Variants in TBCD observed in about 807,000 individuals in gnomAD.
The protein encoded by TBCD is tubulin folding cofactor D.
A neutral mutation model predicts 169.3 loss-of-function variants in TBCD; 105 were observed. The observed-to-expected ratio is 0.62, with a 90% CI of 0.53 to 0.73. The LOEUF (loss-of-function observed/expected upper bound fraction) is 0.73. Ranked by LOEUF, TBCD falls within the 30% of genes least tolerant of loss-of-function variation. The pLI, the probability that TBCD is intolerant of heterozygous loss-of-function variation, is 0.00. For missense variants in TBCD, 1,444 were observed against 1,600.1 expected, an observed-to-expected ratio of 0.90 and a Z score of 1.66; for synonymous variants, 700 against 643.9, an observed-to-expected ratio of 1.09 and a Z score of -1.32.
Position 82,756,257 on chromosome 17 carries a change from T to A in TBCD, c.235+42T>A, listed in dbSNP as rs371732734. 1.3e-5 allele frequency: 21 copies of A among 1,577,336 alleles called. 1 individual carries two copies. The highest frequency in any genetic ancestry group is 1.8e-5 in the Non-Finnish European group (21 of 1,158,124). On this transcript the variant is annotated intron_variant, in intron 2 of 38. Transcript: ENST00000355528. ...CTGATTTTGATCATTCAGTTACAGA[T>A]GACCACGGAGGCCTTGGTGTGTGGT... is the stretch of plus-strand genomic sequence containing the variant.
intron 13 of TBCD, among the ~76,000 whole-genome samples, chr17:82,836,695 AAAACAAAAC>A (rs375900728): frequency 0.012 from 1,786 of 148,890 alleles, 36 homozygotes; most frequent in African/African-American, 0.043. Context: ...GGCAAAAAAA[AAAACAAAAC>A]AAAACAAAAC....
intron 2 of TBCD, among the ~76,000 whole-genome samples, chr17:82,757,196 C>T (rs74000055): frequency 0.016 from 2,433 of 152,296 alleles, 65 homozygotes; most frequent in African/African-American, 0.055. Flanking sequence ...TGCTCTTTGC[C>T]GGGGTTTCCT....
chr17:82,928,489 G>A (rs760534983), intron 30 of TBCD, among the ~76,000 whole-genome samples: 17 of 151,626 alleles, frequency 1.1e-4, no homozygotes, highest in Non-Finnish European at 2.5e-4. Context: ...TCTCTCTGTC[G>A]GGGGCACTGA....
At chr17:82,821,278 G>A (rs1272318088) in intron 13 of TBCD, among the ~76,000 whole-genome samples, 1 of 152,194 alleles carries the variant, frequency 6.6e-6, no homozygotes, top group Admixed American at 6.5e-5. Context: ...TTCCATGTTA[G>A]TTTAAATGTT....
chr17:82,920,589 A>G lies in TBCD; in HGVS notation c.2072A>G (p.Lys691Arg). 1 of 1,550,920 alleles carries G rather than the reference A, an allele frequency of 6.4e-7. No homozygotes were observed. The highest frequency in any genetic ancestry group is 8.7e-7 in the Non-Finnish European group (1 of 1,147,800). The change falls in exon 24 of 39, where the codon AAA (lysine) becomes AGA (arginine). Residue 691 changes from lysine (K) to arginine (R), a missense_variant. By Grantham distance (26) the Lys-to-Arg change is conservative (BLOSUM62 2). Transcript: ENST00000355528. The surrounding 1 kb of genome is among the most constrained non-coding windows in gnomAD (Gnocchi z 4.1). ...TTAATAGAAAAGTTGTCACTTTCCA[A>G]AATGCCCTTTAGAGGTGACACCGTA... The part of the protein sequence containing the change: ...CVLIEKLSLS[K>R]MPFRGDTVID...
chr17:82,900,659 T>C lies in TBCD; in HGVS notation c.1658T>C (p.Ile553Thr). 6.2e-7 allele frequency: 1 copy of C among 1,613,982 alleles called. No individual in the cohort carries two copies. The highest frequency in any genetic ancestry group is 1.3e-5 in the African/African-American group (1 of 75,068). The change falls in exon 18 of 39, where the codon ATT becomes ACT. Residue 553 changes from isoleucine to threonine, a missense_variant. Transcript: ENST00000355528. ...CATGCTGTCTTTTCCAGTGTGTTTA[T>C]TGCCGGCTTTCCTGAGTACACGCAG... ...SNCFLVISVFIAGFPEYTQPM... is the reference protein window; with the variant it reads ...SNCFLVISVFTAGFPEYTQPM...
chr17:82,922,730 C>T lies in TBCD; in HGVS notation c.2179-922C>T, dbSNP rs1277911236. 6.6e-6 allele frequency among the ~76,000 whole-genome samples: 1 copy of T among 152,224 alleles called. No individual in the cohort carries two copies. Among genetic ancestry groups the T allele is most frequent in the Non-Finnish European group, 1.5e-5 (1 of 68,032 alleles). On this transcript the variant is annotated intron_variant, in intron 25 of 38. Coordinates refer to ENST00000355528, the MANE Select transcript of TBCD (RefSeq NM_005993.5). The surrounding 1 kb of genome is among the most constrained non-coding windows in gnomAD (Gnocchi z 4.1). Reference sequence around the variant, plus strand: ...ATGCAGCACCCTGTAGACGACGCACCTCCTCTGCTCATGGCCCCCACCTGC... The same window carrying T: ...ATGCAGCACCCTGTAGACGACGCACTTCCTCTGCTCATGGCCCCCACCTGC...
At chr17:82,933,065 AG>A (rs1250283759) in intron 34 of TBCD, among the ~76,000 whole-genome samples, 1 of 152,056 alleles carries the variant, frequency 6.6e-6, no homozygotes, top group African/African-American at 2.4e-5. Context: ...CAGGGCCTGA[AG>A]GGGCCTCGGC....
intron 6 of TBCD, among the ~76,000 whole-genome samples, chr17:82,778,289 G>A (rs1338555917): frequency 6.6e-6 from 1 of 151,940 alleles, no homozygotes; most frequent in Admixed American, 6.5e-5. Flanking sequence ...ACAGTATTCC[G>A]CTTTTCCATT....
chr17:82,937,056 C>T (rs943456513), intron 34 of TBCD, among the ~76,000 whole-genome samples: 4 of 152,180 alleles, frequency 2.6e-5, no homozygotes, highest in African/African-American at 7.2e-5. Flanking sequence ...CAGCAGAGGC[C>T]GGCCAGGTGG....
intron 12 of TBCD, among the ~76,000 whole-genome samples, chr17:82,810,859 A>G (rs1186064863): frequency 2.0e-5 from 3 of 152,216 alleles, no homozygotes; most frequent in Admixed American, 6.5e-5. Context: ...GGAGCCGTTC[A>G]CAAAGCCTTG....
In TBCD at chr17:82,926,299, A is replaced by T. The variant is rs991935397; in HGVS notation, c.2380-101A>T. 51 of 1,090,722 alleles carry T rather than the reference A, an allele frequency of 4.7e-5. No individual in the cohort carries two copies. The African/African-American group carries it at 7.0e-4, about 15-fold the overall frequency. The allele number at this position is 1,090,722 out of a possible 1,614,324, so 67.6% of individuals were successfully genotyped here. The stretch of plus-strand genomic sequence containing the variant: ...GGTGGTGCCAGGAGCTGCCTATCTC[A>T]TGGTGTGGGGTCTGTGGCTCCGGGC... On this transcript the variant is annotated intron_variant, in intron 27 of 38. Coordinates refer to ENST00000355528, the MANE Select transcript of TBCD (RefSeq NM_005993.5).
chr17:82,812,498 C>T (rs916793531), intron 12 of TBCD, among the ~76,000 whole-genome samples: 8 of 152,312 alleles, frequency 5.3e-5, no homozygotes, highest in East Asian at 1.9e-4. Flanking sequence ...GCACCCGTTT[C>T]GCATCCCTCC....
intron 18 of TBCD, among the ~76,000 whole-genome samples, chr17:82,901,430 C>G (rs939685010): frequency 6.6e-6 from 1 of 152,294 alleles, no homozygotes; most frequent in African/African-American, 2.4e-5. Context: ...GGGGTCCTTT[C>G]TGATCCATGG....
intron 13 of TBCD, among the ~76,000 whole-genome samples, chr17:82,856,782 G>A (rs1307061298): frequency 2.8e-5 from 4 of 141,990 alleles, no homozygotes; most frequent in Middle Eastern, 3.9e-3. Flanking sequence ...GCTGGACCGC[G>A]TGCGGACCCT....
intron 7 of TBCD, among the ~76,000 whole-genome samples, chr17:82,790,029 C>G (rs996208200): frequency 6.6e-6 from 1 of 152,132 alleles, no homozygotes; most frequent in Non-Finnish European, 1.5e-5. Flanking sequence ...CTTCCTGGTT[C>G]ATTGCTCATC....
At chr17:82,810,276 G>A (rs1365984144) in intron 12 of TBCD, among the ~76,000 whole-genome samples, 2 of 152,196 alleles carry the variant, frequency 1.3e-5, no homozygotes, top group African/African-American at 4.8e-5. Flanking sequence ...GGGCAACGAA[G>A]CGAAACCCCA....
Position 82,890,550 on chromosome 17 carries a change from C to T in TBCD, c.1563+853C>T, listed in dbSNP as rs891057739. The stretch of plus-strand genomic sequence containing the variant: ...GGCCAAATGAGTCCACAGGAAAAGC[C>T]GGATGCCAGAGTCAGCTGGAGAGGC... On this transcript the variant is annotated intron_variant, in intron 16 of 38. Transcript: ENST00000355528. The surrounding 1 kb of genome is among the most constrained non-coding windows in gnomAD (Gnocchi z 5.3). Among the ~76,000 whole-genome samples the T allele has an allele frequency of 3.3e-5, 5 of 152,160 alleles. No homozygotes were observed. The highest frequency in any genetic ancestry group is 1.2e-4 in the African/African-American group (5 of 41,434).
At chr17:82,815,080 G>C (rs764864055) in intron 13 of TBCD, 146 bp downstream of exon 13, 9 of 1,354,354 alleles carry the variant, frequency 6.6e-6, no homozygotes, top group Non-Finnish European at 8.9e-6. Context: ...GCAGGCTGCA[G>C]CCCTTCGTCT....
Sources: gnomAD v4.1 joint callset for allele counts (sites outside exome capture counted in the v4.1 genomes callset) on GRCh38, gnomAD v4.1.1 for gene constraint, Gnocchi (gnomAD v3.1) non-coding constraint, MANE v1.5 for transcripts, NCBI Gene and HGNC (gene_info 2026-07-23, HGNC 2026-07-21) for gene names.